Variants in VPS13B observed in about 807,000 individuals in gnomAD.
VPS13B encodes vacuolar protein sorting 13 homolog B.
VPS13B carries 285 observed loss-of-function variants against 426.4 expected under a neutral mutation model. That is an observed-to-expected ratio of 0.67 (90% confidence interval 0.61 to 0.74). The LOEUF is 0.74. Among genes scored for constraint, VPS13B ranks in the 30% least tolerant of loss-of-function variants. VPS13B has a pLI of 0.00. For synonymous variants in VPS13B, 1,676 were observed against 1,676.4 expected (o/e 1.00, Z 0.01); for missense variants, 4,537 against 4,782.6 (o/e 0.95, Z 1.51).
At chr8:99,395,851 G>T (rs376682974) in intron 21 of VPS13B, among the ~76,000 whole-genome samples, 2 of 152,054 alleles carry the variant, frequency 1.3e-5, no homozygotes, top group African/African-American at 4.8e-5. Context: ...TCATAACTAC[G>T]TTGAGGTATT....
chr8:99,423,625 G>T (rs1029146311), intron 21 of VPS13B, among the ~76,000 whole-genome samples: 2 of 151,966 alleles, frequency 1.3e-5, no homozygotes, highest in Admixed American at 1.3e-4. Context: ...CCATTCTATA[G>T]AGCATACCTA....
intron 21 of VPS13B, among the ~76,000 whole-genome samples, chr8:99,427,379 A>T (rs1484292146): frequency 7.1e-6 from 1 of 141,688 alleles, no homozygotes; most frequent in African/African-American, 2.7e-5. Flanking sequence ...TTGGCTTAGG[A>T]TTGACTTGGC....
intron 22 of VPS13B, among the ~76,000 whole-genome samples, chr8:99,438,397 G>A (rs1302815880): frequency 1.3e-5 from 2 of 152,106 alleles, no homozygotes; most frequent in Non-Finnish European, 2.9e-5. Flanking sequence ...AGGCCAGAGA[G>A]ATCAACTATC....
intron 12 of VPS13B, among the ~76,000 whole-genome samples, chr8:99,137,488 G>C (rs533527185): frequency 2.6e-5 from 4 of 151,118 alleles, no homozygotes; most frequent in Non-Finnish European, 5.9e-5. Context: ...TGATTATAAC[G>C]TAGCATGTTA....
intron 17 of VPS13B, among the ~76,000 whole-genome samples, chr8:99,204,700 GAACA>G (rs1814579087): frequency 6.6e-6 from 1 of 152,048 alleles, no homozygotes; most frequent in Admixed American, 6.6e-5. Flanking sequence ...CAAAAGATAT[GAACA>G]AACATTTCTC....
At chr8:99,769,565 T>G (rs1053618096) in intron 40 of VPS13B, among the ~76,000 whole-genome samples, 1 of 152,146 alleles carries the variant, frequency 6.6e-6, no homozygotes, top group East Asian at 1.9e-4. Context: ...CAAAAATATA[T>G]CCCATGAAGC....
At chr8:99,293,704 C>A (rs1323144452) in intron 19 of VPS13B, among the ~76,000 whole-genome samples, 1 of 151,920 alleles carries the variant, frequency 6.6e-6, no homozygotes, top group Non-Finnish European at 1.5e-5. Flanking sequence ...AAGAAAAAAA[C>A]AAACAACCCC....
At chr8:99,066,572 C>T (rs935853348) in intron 3 of VPS13B, among the ~76,000 whole-genome samples, 3 of 152,166 alleles carry the variant, frequency 2.0e-5, no homozygotes, top group Non-Finnish European at 2.9e-5. Flanking sequence ...TAGGCAATAC[C>T]ATTCAGGACA....
At chr8:99,661,553 A>G in intron 35 of VPS13B, 62 bp downstream of exon 35, 3 of 1,573,032 alleles carry the variant, frequency 1.9e-6, no homozygotes, top group South Asian at 1.1e-5. Context: ...TAGCATGTAT[A>G]TAGGATCTGT....
intron 44 of VPS13B, among the ~76,000 whole-genome samples, chr8:99,816,154 G>A (rs1416090533): frequency 1.3e-5 from 2 of 151,458 alleles, no homozygotes; most frequent in Non-Finnish European, 2.9e-5. Flanking sequence ...CCAGGCTGGA[G>A]TGCAATGGTG....
At chr8:99,561,217 C>T (rs948100245) in intron 31 of VPS13B, among the ~76,000 whole-genome samples, 1 of 152,156 alleles carries the variant, frequency 6.6e-6, no homozygotes, top group African/African-American at 2.4e-5. Context: ...TCCTAGCAAC[C>T]ACCAATCTGC....
intron 3 of VPS13B, among the ~76,000 whole-genome samples, chr8:99,085,332 T>G (rs981262658): frequency 6.6e-6 from 1 of 152,214 alleles, no homozygotes; most frequent in Non-Finnish European, 1.5e-5. Context: ...CCCTTTATTT[T>G]GAGCCTATGT....
intron 2 of VPS13B, among the ~76,000 whole-genome samples, chr8:99,026,044 T>A (rs1842122760): frequency 6.6e-6 from 1 of 152,156 alleles, no homozygotes; most frequent in Admixed American, 6.5e-5. Flanking sequence ...TCTACTAATT[T>A]TGTGTTTGTT....
At chr8:99,014,177 G>A (rs1198535067) in intron 2 of VPS13B, among the ~76,000 whole-genome samples, 1 of 129,652 alleles carries the variant, frequency 7.7e-6, no homozygotes, top group Non-Finnish European at 1.5e-5. Flanking sequence ...GAGTGCAGCT[G>A]CGTGATCTCG....
intron 6 of VPS13B, among the ~76,000 whole-genome samples, chr8:99,112,471 T>G (rs2132485920): frequency 6.6e-6 from 1 of 152,334 alleles, no homozygotes; most frequent in Non-Finnish European, 1.5e-5. Context: ...TTCTTGGTAG[T>G]GCTTAGTCAC....
In VPS13B at chr8:99,170,133, A is replaced by T; in HGVS notation, c.2303A>T (p.Tyr768Phe). 6.2e-7 allele frequency: 1 copy of T among 1,612,824 alleles called. No individual in the cohort carries two copies. The highest frequency in any genetic ancestry group is 8.5e-7 in the Non-Finnish European group (1 of 1,179,006). The change falls in exon 16 of 62, where the codon TAT becomes TTT. Residue 768 changes from tyrosine (Y) to phenylalanine (F), a missense_variant. Tyr to Phe is a conservative substitution (Grantham distance 22). This residue lies in a region of VPS13B where 4,311 missense variants were observed against 4,474.3 expected (regional missense o/e 0.96). Coordinates refer to ENST00000357162, the MANE Select transcript of VPS13B (RefSeq NM_152564.5). ...PVIPSFSTALYGKLLKLPTCW... is the reference protein window; with the variant it reads ...PVIPSFSTALFGKLLKLPTCW... Reference sequence around the variant, plus strand: ...ATTCCCTCTTTCAGCACTGCTCTTTATGGGAAACTTCTGAAACTCCCCACA... The same window carrying T: ...ATTCCCTCTTTCAGCACTGCTCTTTTTGGGAAACTTCTGAAACTCCCCACA...
chr8:99,639,608 T>C (rs998647887), intron 33 of VPS13B, among the ~76,000 whole-genome samples: 1 of 150,542 alleles, frequency 6.6e-6, no homozygotes, highest in Non-Finnish European at 1.5e-5. Flanking sequence ...CTTGACTTAT[T>C]TATTCTTACA....
intron 25 of VPS13B, among the ~76,000 whole-genome samples, chr8:99,496,839 T>A (rs1820914090): frequency 6.6e-6 from 1 of 152,054 alleles, no homozygotes; most frequent in African/African-American, 2.4e-5. Context: ...TTCAGTAGTT[T>A]CAATAAATGT....
At chr8:99,431,413 C>A in intron 21 of VPS13B, 124 bp from the exon 22 acceptor site, 2 of 1,249,346 alleles carry the variant, frequency 1.6e-6, no homozygotes, top group Non-Finnish European at 2.2e-6. Flanking sequence ...AATGACAATT[C>A]ATAATCTCAT....
Sources: gnomAD v4.1 joint callset for allele counts (sites outside exome capture counted in the v4.1 genomes callset) on GRCh38, gnomAD v4.1.1 for gene constraint, gnomAD v4.1.1 regional missense constraint, MANE v1.5 for transcripts, NCBI Gene and HGNC (gene_info 2026-07-23, HGNC 2026-07-21) for gene names.